The following ZFP14 variants were observed in gnomAD, a reference collection of about 807,000 sequenced individuals.
ZFP14 encodes the protein zinc finger protein 14 homolog.
In ZFP14, 22 loss-of-function variants were observed where a neutral mutation model predicts 54.5. That is an observed-to-expected ratio of 0.40 (90% confidence interval 0.29 to 0.58). ZFP14 has a LOEUF of 0.58. Among genes scored for constraint, ZFP14 ranks in the 20% least tolerant of loss-of-function variants. The probability of loss-of-function intolerance (pLI) is 0.39; values close to 1 mark genes in which losing one functional copy is unlikely to be tolerated. For missense variants in ZFP14, 470 were observed against 637.8 expected (o/e 0.74, Z 2.83); for synonymous variants, 159 against 204.0 (o/e 0.78, Z 1.88).
At chr19:36,373,657 T>C (rs898312818) in intron 1 of ZFP14, among the ~76,000 whole-genome samples, 5 of 152,160 alleles carry the variant, frequency 3.3e-5, no homozygotes, top group Non-Finnish European at 7.3e-5. Context: ...TAAATACATG[T>C]AATTTTATCT....
intron 1 of ZFP14, among the ~76,000 whole-genome samples, chr19:36,372,616 G>A (rs1459046857): frequency 6.6e-6 from 1 of 152,194 alleles, no homozygotes; most frequent in Non-Finnish European, 1.5e-5. Flanking sequence ...ATTTTGGGAA[G>A]CCAGTCATTA....
chr19:36,360,323 C>A, intron 4 of ZFP14, 112 bp downstream of exon 4: 2 of 863,276 alleles, frequency 2.3e-6, no homozygotes, highest in South Asian at 5.6e-5. Flanking sequence ...CTCCATAGGC[C>A]AGGGGCTTTT....
intron 2 of ZFP14, among the ~76,000 whole-genome samples, chr19:36,366,908 C>G (rs8106095): frequency 0.63 from 95,398 of 151,968 alleles, 30,309 homozygotes; most frequent in African/African-American, 0.72. Context: ...AATCTTAGCA[C>G]TCTGGGAGGC....
intron 4 of ZFP14, among the ~76,000 whole-genome samples, chr19:36,354,074 CA>C (rs34807802): frequency 0.13 from 10,851 of 85,710 alleles, 1,152 homozygotes; most frequent in African/African-American, 0.23. Flanking sequence ...GACCCTGTCT[CA>C]AAAAAAAAAA....
intron 4 of ZFP14, among the ~76,000 whole-genome samples, chr19:36,350,374 G>A (rs553422450): frequency 7.1e-6 from 1 of 141,398 alleles, no homozygotes; most frequent in East Asian, 2.1e-4. Flanking sequence ...GCCAAGGAGG[G>A]AAAACTACTT....
intron 2 of ZFP14, among the ~76,000 whole-genome samples, chr19:36,366,002 T>C (rs1600082355): frequency 1.3e-5 from 2 of 150,520 alleles, no homozygotes; most frequent in African/African-American, 4.9e-5. Context: ...TGGTGGCTCA[T>C]GCCTGTAATC....
Position 36,341,389 on chromosome 19 carries a change from G to GT in ZFP14, c.436dup (p.Thr146AsnfsTer3). The GT allele has an allele frequency of 6.2e-7, 1 of 1,613,776 alleles. No individual in the cohort carries two copies. The highest frequency in any genetic ancestry group is 8.5e-7 in the Non-Finnish European group (1 of 1,179,938). On this transcript the variant is annotated frameshift_variant, in exon 5 of 5. Coordinates refer to ENST00000270001, the MANE Select transcript of ZFP14 (RefSeq NM_020917.3). LOFTEE classifies it high-confidence loss of function. The surrounding 1 kb of genome is among the most constrained non-coding windows in gnomAD (Gnocchi z 4.2). ...TTTGTAAGTGGTCATTTTTTCAGAG[G>GT]TAATTTTCACTTGCCCAAAATATCC...
At chr19:36,342,793 C>T (rs1002571513) in intron 4 of ZFP14, among the ~76,000 whole-genome samples, 3 of 151,758 alleles carry the variant, frequency 2.0e-5, no homozygotes, top group East Asian at 1.9e-4. Flanking sequence ...TTTCTTAAAA[C>T]GGGTGAAAGG....
chr19:36,357,302 C>CA (rs1321882650), intron 4 of ZFP14, among the ~76,000 whole-genome samples: 2 of 152,200 alleles, frequency 1.3e-5, no homozygotes, highest in Non-Finnish European at 1.5e-5. Flanking sequence ...CTTGGCCTCC[C>CA]AAAGTGCTAG....
chr19:36,360,214 T>C (rs965453222), intron 4 of ZFP14: 2 of 338,494 alleles, frequency 5.9e-6, no homozygotes, highest in Non-Finnish European at 5.3e-6. Context: ...GATAGAAATA[T>C]GAAAGATGAG....
chr19:36,370,636 C>T (rs1052079941), intron 1 of ZFP14, among the ~76,000 whole-genome samples: 1 of 152,250 alleles, frequency 6.6e-6, no homozygotes, highest in Admixed American at 6.5e-5. Context: ...GCCAGAGTGG[C>T]CCTGGGCTTG....
intron 4 of ZFP14, among the ~76,000 whole-genome samples, chr19:36,343,897 C>CCTT (rs1382193237): frequency 6.6e-6 from 1 of 152,170 alleles, no homozygotes; most frequent in African/African-American, 2.4e-5. Context: ...CCATGAAAGC[C>CCTT]CTTGTGACCC....
rs1432906382 is a variant in ZFP14 at position 36,340,198 on chromosome 19, C to T, written c.*26G>A. 3 of 1,527,148 alleles carry T rather than the reference C, an allele frequency of 2.0e-6. No individual in the cohort carries two copies. In the African/African-American group the frequency reaches 4.2e-5, roughly 21 times the overall value. 94.6% of individuals were successfully genotyped at this position (1,527,148 alleles called of 1,614,324 possible). On this transcript the variant is annotated 3_prime_UTR_variant, in exon 5 of 5. Transcript: ENST00000270001. The surrounding 1 kb of genome is among the most constrained non-coding windows in gnomAD (Gnocchi z 5.4). ...TGAATTTTCTGATGTTCTGTAACATCATATACATTTGAAGGCTTTCTTCTA... is the reference window on the plus strand; with the variant it reads ...TGAATTTTCTGATGTTCTGTAACATTATATACATTTGAAGGCTTTCTTCTA...
At position 36,357,856 on chromosome 19, in the gene ZFP14, C is replaced by T. The variant is rs188450909; in HGVS notation, c.235+2579G>A. 5.1e-3 allele frequency among the ~76,000 whole-genome samples: 777 copies of T among 151,598 alleles called. 7 individuals carry two copies. The highest frequency in any genetic ancestry group is 0.018 in the African/African-American group (737 of 41,326). ...TTCCCAGGTTCAAGAGATTCTCATG[C>T]CTCACCCTCCCCAGTAGCTGGGATT... On this transcript the variant is annotated intron_variant, in intron 4 of 4. Coordinates refer to ENST00000270001, the MANE Select transcript of ZFP14 (RefSeq NM_020917.3).
At chr19:36,344,564 TCC>T (rs1209754884) in intron 4 of ZFP14, among the ~76,000 whole-genome samples, 7 of 151,184 alleles carry the variant, frequency 4.6e-5, no homozygotes, top group Non-Finnish European at 1.5e-5. Flanking sequence ...ATACCAGAGG[TCC>T]CCAACCCCCA....
intron 4 of ZFP14, among the ~76,000 whole-genome samples, chr19:36,343,692 T>C (rs1226316532): frequency 6.6e-6 from 1 of 152,176 alleles, no homozygotes; most frequent in Non-Finnish European, 1.5e-5. Flanking sequence ...TTAACAATTA[T>C]GGGGGCTGAG....
chr19:36,342,407 G>A (rs928427874), intron 4 of ZFP14, among the ~76,000 whole-genome samples: 7 of 151,222 alleles, frequency 4.6e-5, no homozygotes, highest in South Asian at 2.1e-4. Flanking sequence ...GACTGGTCTC[G>A]AACTCCTGAC....
At chr19:36,356,448 T>G (rs1335691432) in intron 4 of ZFP14, among the ~76,000 whole-genome samples, 2 of 151,296 alleles carry the variant, frequency 1.3e-5, no homozygotes. Context: ...AAGAAAGAAA[T>G]TAATGTTGGT....
chr19:36,367,563 C>A (rs2031813694), intron 2 of ZFP14, among the ~76,000 whole-genome samples: 3 of 152,168 alleles, frequency 2.0e-5, no homozygotes, highest in African/African-American at 7.2e-5. Flanking sequence ...TCACTGCAGC[C>A]TCTACCTCCC....
Sources: allele counts gnomAD v4.1 joint callset (sites outside exome capture counted in the v4.1 genomes callset), GRCh38; gene constraint gnomAD v4.1.1; non-coding constraint Gnocchi (gnomAD v3.1); transcripts MANE v1.5; gene names NCBI Gene and HGNC (gene_info 2026-07-23, HGNC 2026-07-21).